Variants in HTR2C observed in about 807,000 individuals in gnomAD.
The protein encoded by HTR2C is 5-hydroxytryptamine receptor 2C.
Under a neutral mutation model 21.0 loss-of-function variants are expected in HTR2C, and 5 were observed. The ratio of observed to expected loss-of-function variants is 0.24; its 90% CI spans 0.12 to 0.50. The LOEUF (loss-of-function observed/expected upper bound fraction) is 0.50. Ranked by LOEUF, HTR2C falls within the 20% of genes least tolerant of loss-of-function variation. The probability of loss-of-function intolerance (pLI) is 0.98; values close to 1 mark genes in which losing one functional copy is unlikely to be tolerated. For missense variants in HTR2C, 271 were observed against 371.2 expected, an observed-to-expected ratio of 0.73 and a Z score of 2.22; for synonymous variants, 150 against 145.3, an observed-to-expected ratio of 1.03 and a Z score of -0.23.
In HTR2C at chrX:114,594,211, G is replaced by A. The variant is rs781821401; in HGVS notation, c.-147+9552G>A. ...AACACTCTCCTGCATTTTCAGAAAC[G>A]ATTAAGCCATATCTTATAGTTAATC... On this transcript the variant is annotated intron_variant, in intron 1 of 5. Transcript: ENST00000276198. Among the ~76,000 whole-genome samples, 14 of 111,476 alleles carry A rather than the reference G, an allele frequency of 1.3e-4. No homozygotes were observed. In the East Asian group the frequency reaches 3.1e-3, roughly 25 times the overall value.
At chrX:114,590,582 A>C (rs1303742889) in intron 1 of HTR2C, among the ~76,000 whole-genome samples, 1 of 112,063 alleles carries the variant, frequency 8.9e-6, no homozygotes, top group Non-Finnish European at 1.9e-5. Flanking sequence ...AGGTGAAAGA[A>C]GATGAAGGAA....
intron 1 of HTR2C, among the ~76,000 whole-genome samples, chrX:114,593,284 T>C (rs1483980274): frequency 8.9e-6 from 1 of 111,814 alleles, no homozygotes; most frequent in African/African-American, 3.3e-5. Flanking sequence ...TCCTTAGATA[T>C]GGAGTCTTGC....
chrX:114,890,779 C>T (rs1285682325), intron 5 of HTR2C, among the ~76,000 whole-genome samples: 3 of 111,829 alleles, frequency 2.7e-5, no homozygotes, highest in African/African-American at 9.7e-5. Context: ...TTCTTACTCT[C>T]TTTTAAATTC....
In HTR2C at chrX:114,806,921, C is replaced by CAT. The variant is rs781972036; in HGVS notation, c.350-41074_350-41073dup. On this transcript the variant is annotated intron_variant, in intron 4 of 5. Coordinates refer to ENST00000276198, the MANE Select transcript of HTR2C (RefSeq NM_000868.4). The stretch of plus-strand genomic sequence containing the variant: ...ATATACACACACCATATGTATATAC[C>CAT]ATATATATACCATATGTATATACCA... Among the ~76,000 whole-genome samples the CAT allele has an allele frequency of 8.4e-4, 62 of 73,637 alleles. 1 individual carries two copies. Among genetic ancestry groups the CAT allele is most frequent in the African/African-American group, 2.7e-3 (60 of 21,921 alleles). 63.9% of individuals were successfully genotyped at this position (73,637 alleles called of 115,157 possible). A position where few individuals can be genotyped will look rare whatever the true frequency, so the allele number is the denominator to read the frequency against.
rs201763901 is a variant in HTR2C, at chrX:114,633,947, T to TATATATATAGAG, written c.-80+20067_-80+20068insTATATATAGAGA. Among the ~76,000 whole-genome samples, 791 of 92,160 alleles carry TATATATATAGAG rather than the reference T, an allele frequency of 8.6e-3. 11 individuals carry two copies. Among genetic ancestry groups the TATATATATAGAG allele is most frequent in the Admixed American group, 0.027 (207 of 7,672 alleles). The allele number at this position is 92,160 out of a possible 115,157, so 80.0% of individuals were successfully genotyped here. The stretch of plus-strand genomic sequence containing the variant: ...ATATGCATGTGTATATATATATATA[T>TATATATATAGAG]AGAGAGAGAGAGAGAGATGGTAGGT... On this transcript the variant is annotated intron_variant, in intron 2 of 5. Coordinates refer to ENST00000276198, the MANE Select transcript of HTR2C (RefSeq NM_000868.4).
chrX:114,907,334 C>T lies in HTR2C; in HGVS notation c.1296C>T (p.Pro432=). 1 of 1,210,753 alleles carries T rather than the reference C, an allele frequency of 8.3e-7. No individual in the cohort carries two copies. Residue 432 remains proline, a synonymous_variant, in exon 6 of 6, where the codon CCC becomes CCT. Coordinates refer to ENST00000276198, the MANE Select transcript of HTR2C (RefSeq NM_000868.4). ...PVIEKASDNE[P]GIEMQVENLE... ...TCGAGAAAGCCAGTGACAATGAGCCCGGTATAGAGATGCAAGTTGAGAATT... is the reference window on the plus strand; with the variant it reads ...TCGAGAAAGCCAGTGACAATGAGCCTGGTATAGAGATGCAAGTTGAGAATT...
chrX:114,825,166 G>T (rs1556457912), intron 4 of HTR2C, among the ~76,000 whole-genome samples: 1 of 111,125 alleles, frequency 9.0e-6, no homozygotes, highest in Non-Finnish European at 1.9e-5. Context: ...TCTGGTACTT[G>T]GATTTCATTT....
chrX:114,716,701 G>A (rs868916460), intron 2 of HTR2C, among the ~76,000 whole-genome samples: 74 of 111,781 alleles, frequency 6.6e-4, no homozygotes, highest in African/African-American at 2.2e-3. Context: ...TTTTTAGTAT[G>A]ACAAATGTAT....
chrX:114,726,388 T>C (rs1933483453), intron 2 of HTR2C, among the ~76,000 whole-genome samples: 1 of 112,100 alleles, frequency 8.9e-6, no homozygotes, highest in South Asian at 3.7e-4. Context: ...GCACGGTGCG[T>C]GCACCCACTG....
intron 4 of HTR2C, among the ~76,000 whole-genome samples, chrX:114,777,564 T>C (rs918259574): frequency 2.7e-5 from 3 of 112,042 alleles, no homozygotes; most frequent in Admixed American, 9.5e-5. Flanking sequence ...GGTATTTATT[T>C]ATTCATTTAT....
chrX:114,735,297 A>T (rs2147349930), intron 4 of HTR2C, among the ~76,000 whole-genome samples: 1 of 111,081 alleles, frequency 9.0e-6, no homozygotes, highest in South Asian at 3.8e-4. Context: ...AGCTTGGGCG[A>T]CAGAGGGAGA....
At chrX:114,729,840 C>T (rs997334428) in intron 3 of HTR2C, among the ~76,000 whole-genome samples, 8 of 111,215 alleles carry the variant, frequency 7.2e-5, no homozygotes, top group Non-Finnish European at 1.3e-4. Flanking sequence ...AATGTTATGT[C>T]ATGTGTTCCA....
intron 2 of HTR2C, among the ~76,000 whole-genome samples, chrX:114,628,379 C>T (rs868916246): frequency 1.7e-4 from 17 of 100,716 alleles, no homozygotes; most frequent in African/African-American, 5.1e-4. Flanking sequence ...GCTGGGACTA[C>T]AGGCGTGCAC....
chrX:114,731,657 G>T, intron 4 of HTR2C, 50 bp downstream of exon 4: 1 of 928,739 alleles, frequency 1.1e-6, no homozygotes, highest in Non-Finnish European at 1.5e-6. Context: ...TCATAAATTT[G>T]TGTCATAGTA....
chrX:114,784,899 G>C (rs1228053829), intron 4 of HTR2C, among the ~76,000 whole-genome samples: 2 of 111,251 alleles, frequency 1.8e-5, no homozygotes, highest in Non-Finnish European at 3.8e-5. Context: ...GATTACAGGC[G>C]TGAGCCACCA....
intron 4 of HTR2C, among the ~76,000 whole-genome samples, chrX:114,791,699 A>T (rs923926365): frequency 9.9e-5 from 11 of 111,531 alleles, no homozygotes; most frequent in Admixed American, 3.9e-4. Context: ...AGTGATAAAC[A>T]AAAAGCATAG....
chrX:114,698,332 G>C (rs1465405366), intron 2 of HTR2C, among the ~76,000 whole-genome samples: 1 of 110,685 alleles, frequency 9.0e-6, no homozygotes, highest in Admixed American at 9.7e-5. Flanking sequence ...TAGCATGGTA[G>C]AAAAAGTTCC....
At chrX:114,782,127 C>CAAAAA (rs782535480) in intron 4 of HTR2C, among the ~76,000 whole-genome samples, 32 of 72,829 alleles carry the variant, frequency 4.4e-4, no homozygotes, top group African/African-American at 1.6e-3. Flanking sequence ...CTGACTTCTC[C>CAAAAA]AAAAAAAAAA....
In HTR2C at chrX:114,807,124, A is replaced by ATATATACCATGTATG. The variant is rs2070470544; in HGVS notation, c.350-40875_350-40874insTACCATGTATGTATA. The stretch of plus-strand genomic sequence containing the variant: ...TATACACCATGTATATATATACCAT[A>ATATATACCATGTATG]TATACACCATATATATACCATATAT... On this transcript the variant is annotated intron_variant, in intron 4 of 5. Coordinates refer to ENST00000276198, the MANE Select transcript of HTR2C (RefSeq NM_000868.4). 2.3e-4 allele frequency among the ~76,000 whole-genome samples: 4 copies of ATATATACCATGTATG among 17,611 alleles called. 1 individual carries two copies. Among genetic ancestry groups the ATATATACCATGTATG allele is most frequent in the Non-Finnish European group, 2.4e-4 (2 of 8,370 alleles). 15.3% of individuals were successfully genotyped at this position (17,611 alleles called of 115,157 possible).
Sources: gnomAD v4.1 joint callset for allele counts (sites outside exome capture counted in the v4.1 genomes callset) on GRCh38, gnomAD v4.1.1 for gene constraint, MANE v1.5 for transcripts, NCBI Gene and HGNC (gene_info 2026-07-23, HGNC 2026-07-21) for gene names.